TFRC: variants seen among roughly 807,000 people sequenced by gnomAD.
The protein encoded by TFRC is transferrin receptor, also known as transferrin receptor protein 1.
In TFRC, 35 loss-of-function variants were observed where a neutral mutation model predicts 85.8. That is an observed-to-expected ratio of 0.41 (90% confidence interval 0.31 to 0.54). TFRC has a LOEUF of 0.54. Among genes scored for constraint, TFRC ranks in the 20% least tolerant of loss-of-function variants. The pLI is 0.31. For synonymous variants in TFRC, 362 were observed against 328.6 expected (o/e 1.10, Z -1.10); for missense variants, 828 against 921.5 (o/e 0.90, Z 1.31).
intron 1 of TFRC, among the ~76,000 whole-genome samples, chr3:196,077,626 C>T (rs1010120951): frequency 6.6e-6 from 1 of 152,094 alleles, no homozygotes; most frequent in African/African-American, 2.4e-5. Context: ...GTGGTGGGCG[C>T]CTGTAATCCC....
At chr3:196,076,011 G>A (rs1390396904) in intron 2 of TFRC, among the ~76,000 whole-genome samples, 3 of 151,202 alleles carry the variant, frequency 2.0e-5, no homozygotes, top group South Asian at 2.1e-4. Context: ...GGTGTCGCAC[G>A]CCTGTAATCT....
intron 5 of TFRC, 95 bp from the exon 6 acceptor site, chr3:196,071,593 G>A: frequency 8.3e-7 from 1 of 1,208,410 alleles, no homozygotes; most frequent in Middle Eastern, 1.9e-4. Flanking sequence ...TTGGCTTGAG[G>A]AAATTTACCT....
intron 11 of TFRC, among the ~76,000 whole-genome samples, chr3:196,063,879 C>T (rs559512307): frequency 1.3e-5 from 2 of 152,052 alleles, no homozygotes; most frequent in Admixed American, 1.3e-4. Flanking sequence ...TGAGATCACA[C>T]CACTGCACTC....
intron 1 of TFRC, among the ~76,000 whole-genome samples, chr3:196,078,609 A>T (rs1003285220): frequency 4.0e-5 from 6 of 151,746 alleles, no homozygotes; most frequent in Non-Finnish European, 8.8e-5. Context: ...GTGAGCCGAG[A>T]TGGCACCACT....
chr3:196,078,991 C>A (rs1444460180), intron 1 of TFRC, among the ~76,000 whole-genome samples: 1 of 152,054 alleles, frequency 6.6e-6, no homozygotes, highest in Non-Finnish European at 1.5e-5. Flanking sequence ...CCAGGCTGGT[C>A]TGGAACTTCT....
At chr3:196,063,493 T>G (rs1172477213) in intron 11 of TFRC, 1 of 152,920 alleles carries the variant, frequency 6.5e-6, no homozygotes, top group Non-Finnish European at 1.5e-5. Flanking sequence ...TCACTGTATC[T>G]TTTTCTCCAT....
intron 2 of TFRC, among the ~76,000 whole-genome samples, chr3:196,076,053 G>C (rs904494099): frequency 6.6e-6 from 1 of 151,790 alleles, no homozygotes; most frequent in African/African-American, 2.4e-5. Flanking sequence ...CAGGAGAATC[G>C]CTTGAACTCA....
chr3:196,078,799 A>T (rs113831368), intron 1 of TFRC, among the ~76,000 whole-genome samples: 2,988 of 151,034 alleles, frequency 0.02, 60 homozygotes, highest in African/African-American at 0.05. Context: ...CTTGAGACAG[A>T]GTTTCGGTCT....
chr3:196,065,567 T>C lies in TFRC; in HGVS notation c.1074A>G (p.Lys358=). The C allele has an allele frequency of 1.2e-6, 2 of 1,611,396 alleles. 1 individual carries two copies. The change falls in exon 10 of 19, where the codon AAA becomes AAG. Residue 358 remains lysine, a synonymous_variant. Coordinates refer to ENST00000360110, the MANE Select transcript of TFRC (RefSeq NM_001128148.3). ...NMEGDCPSDW[K]TDSTCRMVTS... ...TTACCATCCTACATGTAGAGTCTGTTTTCCAGTCAGAGGGACAGTCTCCTT... is the reference window on the plus strand; with the variant it reads ...TTACCATCCTACATGTAGAGTCTGTCTTCCAGTCAGAGGGACAGTCTCCTT...
At chr3:196,079,997 C>G (rs1719034074) in intron 1 of TFRC, among the ~76,000 whole-genome samples, 1 of 152,156 alleles carries the variant, frequency 6.6e-6, no homozygotes, top group African/African-American at 2.4e-5. Flanking sequence ...TTTAACAGTA[C>G]TGGGGCATGC....
At chr3:196,066,252 A>G (rs41295855) in intron 9 of TFRC, among the ~76,000 whole-genome samples, 1,915 of 152,260 alleles carry the variant, frequency 0.013, 36 homozygotes, top group African/African-American at 0.043. Context: ...ATGTTTCCCA[A>G]CTGTCACCAC....
intron 3 of TFRC, among the ~76,000 whole-genome samples, chr3:196,074,915 TG>T (rs1231655449): frequency 1.4e-5 from 2 of 147,766 alleles, no homozygotes; most frequent in Non-Finnish European, 3.0e-5. Context: ...GGTGTGGTCG[TG>T]GGCGCCTATA....
intron 7 of TFRC, among the ~76,000 whole-genome samples, chr3:196,068,488 G>C (rs879461267): frequency 1.3e-5 from 2 of 151,182 alleles, no homozygotes; most frequent in African/African-American, 2.4e-5. Flanking sequence ...GCTGGCGCCT[G>C]TATTCCCAGC....
At chr3:196,065,401 CAAAAA>C (rs200523802) in intron 10 of TFRC, 37 bp downstream of exon 10, 2 of 1,016,338 alleles carry the variant, frequency 2.0e-6, no homozygotes, top group Non-Finnish European at 2.6e-6. Flanking sequence ...GAAAAGAAAA[CAAAAA>C]AAAAGCGGGG....
At chr3:196,074,673 G>A (rs1306658721) in intron 3 of TFRC, among the ~76,000 whole-genome samples, 1 of 152,054 alleles carries the variant, frequency 6.6e-6, no homozygotes, top group Non-Finnish European at 1.5e-5. Context: ...GAGGTCAGGA[G>A]TTAGAGACCA....
chr3:196,065,671 G>C (rs1173953688), intron 9 of TFRC, 71 bp from the exon 10 acceptor site: 1 of 1,479,718 alleles, frequency 6.8e-7, no homozygotes, highest in Non-Finnish European at 8.9e-7. Context: ...GTCCAGTGAA[G>C]TTACAGATTA....
chr3:196,058,072 G>C lies in TFRC; in HGVS notation c.1677+212C>G. On this transcript the variant is annotated intron_variant, in intron 16 of 18. Transcript: ENST00000360110. ...TCAACCTTGGACTGGTGTCATCCTT[G>C]TTATTGATCTTGGTAGCCAAGAATA... 3 of 403,246 alleles carry C rather than the reference G, an allele frequency of 7.4e-6. No individual in the cohort carries two copies. The South Asian group carries it at 1.3e-4, about 17-fold the overall frequency. The allele number at this position is 403,246 out of a possible 1,614,324, so 25.0% of individuals were successfully genotyped here. A position where few individuals can be genotyped will look rare whatever the true frequency, so the allele number is the denominator to read the frequency against.
At chr3:196,076,451 C>CTTT (rs55649226) in intron 2 of TFRC, among the ~76,000 whole-genome samples, 4 of 132,574 alleles carry the variant, frequency 3.0e-5, no homozygotes, top group African/African-American at 1.1e-4. Flanking sequence ...TCAGCCTTTG[C>CTTT]TTTTTTTTTT....
intron 9 of TFRC, 92 bp downstream of exon 9, chr3:196,067,426 A>G: frequency 7.3e-7 from 1 of 1,370,174 alleles, no homozygotes; most frequent in South Asian, 1.5e-5. Context: ...GTGGAAAATT[A>G]TCATCATGTT....
Sources: gnomAD v4.1 joint callset for allele counts (sites outside exome capture counted in the v4.1 genomes callset) on GRCh38, gnomAD v4.1.1 for gene constraint, MANE v1.5 for transcripts, NCBI Gene and HGNC (gene_info 2026-07-23, HGNC 2026-07-21) for gene names.